RIC8B: variants seen among roughly 807,000 people sequenced by gnomAD.
The protein encoded by RIC8B is RIC8 guanine nucleotide exchange factor B.
In RIC8B, 16 loss-of-function variants were observed where a neutral mutation model predicts 57.5. The observed-to-expected ratio is 0.28, with a 90% confidence interval of 0.19 to 0.42. The LOEUF (loss-of-function observed/expected upper bound fraction) is 0.42, where lower values mean the gene tolerates loss of function less well. Ranked by LOEUF, RIC8B falls within the 10% of genes least tolerant of loss-of-function variation. RIC8B has a pLI of 1.00. For synonymous variants in RIC8B, 216 were observed against 250.8 expected, an observed-to-expected ratio of 0.86 and a Z score of 1.31; for missense variants, 481 against 677.0, an observed-to-expected ratio of 0.71 and a Z score of 3.21.
At chr12:106,793,252 C>A (rs2044335497) in intron 2 of RIC8B, among the ~76,000 whole-genome samples, 1 of 152,102 alleles carries the variant, frequency 6.6e-6, no homozygotes, top group South Asian at 2.1e-4. Flanking sequence ...GGGTGTCACA[C>A]AGAAGCATAC....
chr12:106,874,489 A>G (rs1355626563), intron 9 of RIC8B: 3 of 1,551,180 alleles, frequency 1.9e-6, no homozygotes, highest in Non-Finnish European at 2.6e-6. Context: ...AGGAGAGCAG[A>G]TGTGAAGGAC....
At chr12:106,785,741 C>T (rs953601999) in intron 2 of RIC8B, among the ~76,000 whole-genome samples, 1 of 148,112 alleles carries the variant, frequency 6.8e-6, no homozygotes, top group Non-Finnish European at 1.5e-5. Flanking sequence ...TCTTATCTAC[C>T]GAGTGAGAAT....
At chr12:106,812,449 T>G (rs973227328) in intron 2 of RIC8B, among the ~76,000 whole-genome samples, 17 of 151,762 alleles carry the variant, frequency 1.1e-4, no homozygotes, top group African/African-American at 3.2e-4. Flanking sequence ...TAGTTTGTTT[T>G]TTTTTTTTTA....
At chr12:106,780,107 A>G (rs2136148144) in intron 1 of RIC8B, among the ~76,000 whole-genome samples, 1 of 152,224 alleles carries the variant, frequency 6.6e-6, no homozygotes, top group East Asian at 1.9e-4. Flanking sequence ...TGAGGTATGG[A>G]GTAGTATCAT....
intron 2 of RIC8B, among the ~76,000 whole-genome samples, chr12:106,785,832 TG>T (rs2136173795): frequency 6.6e-6 from 1 of 150,806 alleles, no homozygotes; most frequent in African/African-American, 2.4e-5. Flanking sequence ...TGTGTGTGTG[TG>T]TGTGTGTGTG....
intron 6 of RIC8B, among the ~76,000 whole-genome samples, chr12:106,845,070 A>G (rs571283912): frequency 6.6e-6 from 1 of 152,272 alleles, no homozygotes; most frequent in East Asian, 1.9e-4. Context: ...CCCAGGCTAG[A>G]TTCCACCTGA....
At position 106,879,258 on chromosome 12, in the gene RIC8B, G is replaced by C; in HGVS notation, c.1572-6646G>C. The stretch of plus-strand genomic sequence containing the variant: ...TTTTGTTTGTATTGCACAAAAACAT[G>C]TGCTGTGGGCAAGAGTATTCTCTTG... On this transcript the variant is annotated intron_variant, in intron 9 of 9. Coordinates refer to ENST00000392837, the MANE Select transcript of RIC8B (RefSeq NM_001330145.2). This position sits in a 1 kb window ranked among gnomAD's most constrained non-coding sequence, Gnocchi z 4.9. The C allele has an allele frequency of 1.0e-6, 1 of 985,674 alleles. No homozygotes were observed. The highest frequency in any genetic ancestry group is 1.2e-6 in the Non-Finnish European group (1 of 829,892). 61.1% of individuals were successfully genotyped at this position (985,674 alleles called of 1,614,324 possible). A position where few individuals can be genotyped will look rare whatever the true frequency, so the allele number is the denominator to read the frequency against.
intron 2 of RIC8B, among the ~76,000 whole-genome samples, chr12:106,797,394 A>G (rs1254070286): frequency 6.6e-6 from 1 of 152,230 alleles, no homozygotes; most frequent in African/African-American, 2.4e-5. Flanking sequence ...GATACCAGAC[A>G]CTTAAAAGGC....
chr12:106,844,116 T>G (rs1439670811), intron 6 of RIC8B, among the ~76,000 whole-genome samples, 169 bp downstream of exon 6: 2 of 152,218 alleles, frequency 1.3e-5, no homozygotes, highest in Non-Finnish European at 2.9e-5. Flanking sequence ...AGTCATTCAT[T>G]CAGCAAATGC....
At chr12:106,794,007 G>A (rs2044369101) in intron 2 of RIC8B, among the ~76,000 whole-genome samples, 1 of 152,022 alleles carries the variant, frequency 6.6e-6, no homozygotes, top group Non-Finnish European at 1.5e-5. Flanking sequence ...CTTCAGAGTA[G>A]CCATTATAAA....
At chr12:106,799,226 C>CA (rs1412186792) in intron 2 of RIC8B, among the ~76,000 whole-genome samples, 3 of 152,156 alleles carry the variant, frequency 2.0e-5, no homozygotes, top group Non-Finnish European at 4.4e-5. Flanking sequence ...GTAAACAAAA[C>CA]AAAAATATTT....
chr12:106,839,852 C>T (rs1452106324), intron 4 of RIC8B, among the ~76,000 whole-genome samples: 2 of 152,012 alleles, frequency 1.3e-5, no homozygotes, highest in Admixed American at 1.3e-4. Flanking sequence ...CTTGTCTCTA[C>T]TAAAAATTAA....
chr12:106,794,308 A>G (rs990197480), intron 2 of RIC8B, among the ~76,000 whole-genome samples: 2 of 152,174 alleles, frequency 1.3e-5, no homozygotes, highest in Non-Finnish European at 2.9e-5. Context: ...GCCTTAGAGA[A>G]TTGTGGAATA....
At chr12:106,839,798 T>C (rs1344604892) in intron 4 of RIC8B, among the ~76,000 whole-genome samples, 2 of 152,316 alleles carry the variant, frequency 1.3e-5, no homozygotes, top group African/African-American at 4.8e-5. Context: ...GGAAGATTGC[T>C]TGAGCCCAGG....
intron 3 of RIC8B, chr12:106,822,376 T>C (rs2045896244): frequency 6.6e-6 from 1 of 152,192 alleles, no homozygotes; most frequent in Non-Finnish European, 1.5e-5. Flanking sequence ...GATTGACATA[T>C]GGATATAACC....
rs1052082771 is a variant in RIC8B, at chr12:106,886,038, A to T, written c.*23A>T. ...TAAAAGCATCACCTGCTCAACTCTC[A>T]ATATTGCTTTATCAGCATCTTTTCT... On this transcript the variant is annotated 3_prime_UTR_variant, in exon 10 of 10. Coordinates refer to ENST00000392837, the MANE Select transcript of RIC8B (RefSeq NM_001330145.2). The T allele has an allele frequency of 4.1e-6, 6 of 1,454,158 alleles. No homozygotes were observed. The highest frequency in any genetic ancestry group is 5.8e-6 in the Non-Finnish European group (6 of 1,035,266). The allele number at this position is 1,454,158 out of a possible 1,614,324, so 90.1% of individuals were successfully genotyped here. A position where few individuals can be genotyped will look rare whatever the true frequency, so the allele number is the denominator to read the frequency against.
chr12:106,835,135 C>T (rs2046537780), intron 4 of RIC8B, among the ~76,000 whole-genome samples: 1 of 152,040 alleles, frequency 6.6e-6, no homozygotes, highest in Non-Finnish European at 1.5e-5. Context: ...ATTCATTCTT[C>T]AGCCCACTGT....
chr12:106,825,398 T>G (rs1180222683), intron 3 of RIC8B, among the ~76,000 whole-genome samples: 1 of 152,208 alleles, frequency 6.6e-6, no homozygotes, highest in African/African-American at 2.4e-5. Context: ...CTGTTGAAAC[T>G]TTTATAATGG....
At chr12:106,838,244 T>A (rs952342933) in intron 4 of RIC8B, among the ~76,000 whole-genome samples, 2 of 152,120 alleles carry the variant, frequency 1.3e-5, no homozygotes, top group African/African-American at 4.8e-5. Context: ...AATAGTCTCT[T>A]CAATAAATGG....
Sources: allele counts gnomAD v4.1 joint callset (sites outside exome capture counted in the v4.1 genomes callset), GRCh38; gene constraint gnomAD v4.1.1; non-coding constraint Gnocchi (gnomAD v3.1); transcripts MANE v1.5; gene names NCBI Gene and HGNC (gene_info 2026-07-23, HGNC 2026-07-21).